Variants in VSTM5 observed in about 807,000 individuals in gnomAD.
VSTM5 encodes the protein V-set and transmembrane domain containing 5.
VSTM5 carries 21 observed loss-of-function variants against 20.3 expected under a neutral mutation model. That is an observed-to-expected ratio of 1.03 (90% CI 0.73 to 1.49). VSTM5 has a LOEUF of 1.49. Among genes scored for constraint, VSTM5 ranks in the 40% most tolerant of loss-of-function variants. The pLI is 0.00. For missense variants in VSTM5, 219 were observed against 250.0 expected (o/e 0.88, Z 0.84); for synonymous variants, 100 against 102.5 (o/e 0.98, Z 0.14).
chr11:93,819,247 A>G lies in VSTM5; in HGVS notation c.*1322T>C, dbSNP rs1425384643. The stretch of plus-strand genomic sequence containing the variant: ...AGGACTAGGAACACATCATCATCGG[A>G]TGGTACCTTTGGTCTGTAGCTATGA... On this transcript the variant is annotated 3_prime_UTR_variant, in exon 4 of 4. Transcript: ENST00000409977. 6.6e-6 allele frequency: 1 copy of G among 152,220 alleles called. No homozygotes were observed. The highest frequency in any genetic ancestry group is 1.5e-5 in the Non-Finnish European group (1 of 68,052). 9.4% of individuals were successfully genotyped at this position (152,220 alleles called of 1,614,324 possible).
intron 1 of VSTM5, among the ~76,000 whole-genome samples, chr11:93,827,017 G>A (rs959592831): frequency 3.9e-5 from 6 of 152,054 alleles, no homozygotes; most frequent in South Asian, 2.1e-4. Flanking sequence ...CAGACTAACC[G>A]GGCATTTAAC....
rs116972202 is a variant in VSTM5 at position 93,823,779 on chromosome 11, A to G, written c.92-2456T>C. Among the ~76,000 whole-genome samples the G allele has an allele frequency of 2.1e-3, 319 of 152,328 alleles. 11 individuals carry two copies. The East Asian group carries it at 0.058, about 28-fold the overall frequency. Reference sequence around the variant, plus strand: ...TATTTATTTATGTATTCATCTGTCTATGGACACTTGGATAGTTTCCATGTC... The same window carrying G: ...TATTTATTTATGTATTCATCTGTCTGTGGACACTTGGATAGTTTCCATGTC... On this transcript the variant is annotated intron_variant, in intron 1 of 3. Coordinates refer to ENST00000409977, the MANE Select transcript of VSTM5 (RefSeq NM_001144871.2).
chr11:93,850,131 G>T (rs1288577255), intron 1 of VSTM5, among the ~76,000 whole-genome samples: 1 of 152,214 alleles, frequency 6.6e-6, no homozygotes, highest in African/African-American at 2.4e-5. Flanking sequence ...CCGTAGGCCG[G>T]GCTCGCCGGG....
chr11:93,820,902 G>A lies in VSTM5; in HGVS notation c.419-19C>T. On this transcript the variant is annotated intron_variant, in intron 2 of 3. Transcript: ENST00000409977. Reference sequence around the variant, plus strand: ...AGGATCTCTATGGAGTGAGGGTGAGGGGAGGGGGAAGACAACATTTCTTTT... The same window carrying A: ...AGGATCTCTATGGAGTGAGGGTGAGAGGAGGGGGAAGACAACATTTCTTTT... 1.3e-6 allele frequency: 2 copies of A among 1,550,902 alleles called. No individual in the cohort carries two copies. The highest frequency in any genetic ancestry group is 1.7e-6 in the Non-Finnish European group (2 of 1,146,948).
intron 1 of VSTM5, among the ~76,000 whole-genome samples, chr11:93,823,132 C>CT (rs1244742204): frequency 1.3e-5 from 2 of 151,892 alleles, no homozygotes; most frequent in African/African-American, 2.4e-5. Context: ...GCTGATACAA[C>CT]TGGAAACTGG....
chr11:93,850,278 C>G, intron 1 of VSTM5, 134 bp downstream of exon 1: 1 of 660,780 alleles, frequency 1.5e-6, no homozygotes, highest in Non-Finnish European at 2.4e-6. Flanking sequence ...GCCTGCCAGC[C>G]GAGCTCACCG....
At chr11:93,823,668 C>T (rs1056537131) in intron 1 of VSTM5, among the ~76,000 whole-genome samples, 1 of 152,182 alleles carries the variant, frequency 6.6e-6, no homozygotes, top group Non-Finnish European at 1.5e-5. Flanking sequence ...CATTTAGCAG[C>T]TTAGCATAAT....
At chr11:93,821,911 C>T (rs1429934687) in intron 1 of VSTM5, 1 of 152,344 alleles carries the variant, frequency 6.6e-6, no homozygotes, top group Non-Finnish European at 1.5e-5. Flanking sequence ...AAGTGAATGA[C>T]CAAATATTTA....
At chr11:93,848,122 G>T (rs1486407853) in intron 1 of VSTM5, among the ~76,000 whole-genome samples, 1 of 152,140 alleles carries the variant, frequency 6.6e-6, no homozygotes, top group East Asian at 1.9e-4. Context: ...ACATTTGTAG[G>T]GGAAAGGTTT....
chr11:93,834,020 G>A (rs1464606810), intron 1 of VSTM5, among the ~76,000 whole-genome samples: 1 of 151,884 alleles, frequency 6.6e-6, no homozygotes, highest in African/African-American at 2.4e-5. Context: ...TGCCCATCAG[G>A]ATCCAAGGAC....
intron 1 of VSTM5, among the ~76,000 whole-genome samples, chr11:93,826,411 T>G (rs1301045398): frequency 1.3e-5 from 2 of 151,902 alleles, no homozygotes; most frequent in Non-Finnish European, 2.9e-5. Flanking sequence ...GTTTTCTTTT[T>G]TTTTGAGATG....
chr11:93,820,551 A>G lies in VSTM5; in HGVS notation c.*18T>C, dbSNP rs1346199215. ...TGGTTTCCTCTTGAGGTAGGAATGC[A>G]GTCAGGCCCAGCCTTGGCTAACACT... On this transcript the variant is annotated 3_prime_UTR_variant, in exon 4 of 4. Transcript: ENST00000409977. 2.0e-5 allele frequency: 31 copies of G among 1,551,690 alleles called. No homozygotes were observed. Among genetic ancestry groups the G allele is most frequent in the African/African-American group, 2.7e-5 (2 of 73,040 alleles).
intron 1 of VSTM5, among the ~76,000 whole-genome samples, chr11:93,836,187 C>G (rs1379360824): frequency 6.6e-6 from 1 of 152,202 alleles, no homozygotes; most frequent in Non-Finnish European, 1.5e-5. Flanking sequence ...TACCATCACC[C>G]TAGTCCAAGC....
chr11:93,849,569 G>T (rs1025693074), intron 1 of VSTM5, among the ~76,000 whole-genome samples: 11 of 152,220 alleles, frequency 7.2e-5, no homozygotes, highest in African/African-American at 1.4e-4. Context: ...GAGGGATGGT[G>T]AATGCATAAA....
chr11:93,842,117 C>G (rs1464149546), intron 1 of VSTM5, among the ~76,000 whole-genome samples: 1 of 152,182 alleles, frequency 6.6e-6, no homozygotes, highest in Non-Finnish European at 1.5e-5. Flanking sequence ...GTCTCTAACA[C>G]TTGGTGATAG....
chr11:93,845,381 T>G (rs1253449546), intron 1 of VSTM5, among the ~76,000 whole-genome samples: 1 of 152,114 alleles, frequency 6.6e-6, no homozygotes, highest in African/African-American at 2.4e-5. Flanking sequence ...TGCCCCAGGG[T>G]GTGTCTCAGC....
intron 1 of VSTM5, among the ~76,000 whole-genome samples, chr11:93,829,202 T>G (rs938973040): frequency 2.0e-5 from 3 of 152,130 alleles, no homozygotes; most frequent in African/African-American, 7.2e-5. Context: ...TGTGGCAGTT[T>G]CAGGGCTAAA....
rs73556833 is a variant in VSTM5 at position 93,845,501 on chromosome 11, C to T, written c.91+4911G>A. Among the ~76,000 whole-genome samples the T allele has an allele frequency of 8.8e-3, 1,344 of 152,302 alleles. 24 individuals are homozygous for T. Among genetic ancestry groups the T allele is most frequent in the African/African-American group, 0.03 (1,264 of 41,560 alleles). On this transcript the variant is annotated intron_variant, in intron 1 of 3. Coordinates refer to ENST00000409977, the MANE Select transcript of VSTM5 (RefSeq NM_001144871.2). ...ATTTTTCCTTTTCCTAAAAGGATGACGGGTAACTTCCCAGCCCAGCAAACC... is the reference window on the plus strand; with the variant it reads ...ATTTTTCCTTTTCCTAAAAGGATGATGGGTAACTTCCCAGCCCAGCAAACC...
chr11:93,834,912 C>T (rs1462290158), intron 1 of VSTM5, among the ~76,000 whole-genome samples: 4 of 151,560 alleles, frequency 2.6e-5, no homozygotes, highest in Non-Finnish European at 4.4e-5. Context: ...CATGAATGAA[C>T]GAACCCATTC....
Sources: gnomAD v4.1 joint callset for allele counts (sites outside exome capture counted in the v4.1 genomes callset) on GRCh38, gnomAD v4.1.1 for gene constraint, MANE v1.5 for transcripts, NCBI Gene and HGNC (gene_info 2026-07-23, HGNC 2026-07-21) for gene names.